Variants in SPMIP3 observed in about 807,000 individuals in gnomAD.
SPMIP3 encodes the protein sperm microtubule inner protein 3, also known as protein SPMIP3.
chr1:244,375,778 C>T, the SPMIP3 span, among the ~76,000 whole-genome samples: 4 of 152,046 alleles, frequency 2.6e-5, no homozygotes, highest in South Asian at 4.1e-4. Flanking sequence ...AATTCTCATG[C>T]CTCAGCCTCC....
the SPMIP3 span, among the ~76,000 whole-genome samples, chr1:244,355,277 A>T: frequency 6.6e-6 from 1 of 152,198 alleles, no homozygotes; most frequent in African/African-American, 2.4e-5. Flanking sequence ...GGTGGGTGTT[A>T]GCTGAGGTTC....
chr1:244,362,362 T>C, the SPMIP3 span, among the ~76,000 whole-genome samples: 2 of 152,174 alleles, frequency 1.3e-5, no homozygotes, highest in East Asian at 3.8e-4. Context: ...AGCCAGAGGG[T>C]TCCAGCCCTG....
chr1:244,371,500 A>C, the SPMIP3 span, among the ~76,000 whole-genome samples: 1 of 151,510 alleles, frequency 6.6e-6, no homozygotes, highest in Admixed American at 6.6e-5. Context: ...TTTTCTTTTC[A>C]CTCCTCCCAA....
chr1:244,378,896 G>C, the SPMIP3 span, among the ~76,000 whole-genome samples: 1 of 151,522 alleles, frequency 6.6e-6, no homozygotes, highest in African/African-American at 2.4e-5. Flanking sequence ...ACAGTCTCAA[G>C]TCTGACCACG....
the SPMIP3 span, among the ~76,000 whole-genome samples, chr1:244,374,512 A>T: frequency 6.6e-6 from 1 of 150,376 alleles, no homozygotes; most frequent in Admixed American, 6.6e-5. Context: ...ACCAATTCCC[A>T]CATTTCTTTT....
chr1:244,377,869 A>G, the SPMIP3 span, among the ~76,000 whole-genome samples: 1 of 152,034 alleles, frequency 6.6e-6, no homozygotes, highest in African/African-American at 2.4e-5. Context: ...ACCCAGGCTC[A>G]GTCTCGGCTC....
the SPMIP3 span, among the ~76,000 whole-genome samples, chr1:244,372,647 G>GT: frequency 6.6e-6 from 1 of 152,068 alleles, no homozygotes. Flanking sequence ...GTTTCACCGC[G>GT]TTAGCCAGGA....
At chr1:244,385,542 T>A in the SPMIP3 span, among the ~76,000 whole-genome samples, 1 of 152,198 alleles carries the variant, frequency 6.6e-6, no homozygotes, top group Non-Finnish European at 1.5e-5. Context: ...TAACTCATTT[T>A]TCCAAAATAA....
chr1:244,361,041 AG>A, the SPMIP3 span, among the ~76,000 whole-genome samples: 1 of 152,110 alleles, frequency 6.6e-6, no homozygotes, highest in Admixed American at 6.6e-5. Context: ...GTCGAAGAAA[AG>A]GAATTGAACT....
At chr1:244,361,057 G>A in the SPMIP3 span, among the ~76,000 whole-genome samples, 1 of 152,078 alleles carries the variant, frequency 6.6e-6, no homozygotes, top group Non-Finnish European at 1.5e-5. Flanking sequence ...TGAACTTGCG[G>A]AGACGGAGAG....
At chr1:244,365,554 T>A in the SPMIP3 span, among the ~76,000 whole-genome samples, 2 of 152,194 alleles carry the variant, frequency 1.3e-5, no homozygotes, top group Admixed American at 6.5e-5. Context: ...TTTTTCTTTA[T>A]AAAATACCCA....
At chr1:244,367,066 A>G in the SPMIP3 span, among the ~76,000 whole-genome samples, 1 of 151,966 alleles carries the variant, frequency 6.6e-6, no homozygotes, top group Non-Finnish European at 1.5e-5. Flanking sequence ...GCTGGGTGAT[A>G]GGGGCAGGGG....
the SPMIP3 span, among the ~76,000 whole-genome samples, chr1:244,371,327 A>C: frequency 3.0e-4 from 45 of 152,332 alleles, no homozygotes; most frequent in Non-Finnish European, 5.1e-4. Context: ...TGGCCTCCAC[A>C]GCCAAGTCTG....
chr1:244,360,222 T>A, the SPMIP3 span, among the ~76,000 whole-genome samples: 1 of 152,136 alleles, frequency 6.6e-6, no homozygotes, highest in Non-Finnish European at 1.5e-5. Flanking sequence ...CAATGATGAA[T>A]GCTACTGAGG....
At chr1:244,375,619 A>C in the SPMIP3 span, 1 of 522,670 alleles carries the variant, frequency 1.9e-6, no homozygotes, top group East Asian at 3.2e-5. Flanking sequence ...AAATATACCA[A>C]ACTGTTAATG....
At chr1:244,382,905 T>C in the SPMIP3 span, among the ~76,000 whole-genome samples, 1 of 151,998 alleles carries the variant, frequency 6.6e-6, no homozygotes, top group East Asian at 1.9e-4. Context: ...CCCGGCCCTC[T>C]GGCTGCTGTG....
At chr1:244,373,463 G>T in the SPMIP3 span, among the ~76,000 whole-genome samples, 1 of 149,490 alleles carries the variant, frequency 6.7e-6, no homozygotes, top group Non-Finnish European at 1.5e-5. Context: ...TGATCACACT[G>T]CACTATAGCC....
chr1:244,358,156 G>C, the SPMIP3 span, among the ~76,000 whole-genome samples: 2 of 152,140 alleles, frequency 1.3e-5, no homozygotes, highest in Non-Finnish European at 2.9e-5. Flanking sequence ...CTTGAACCCA[G>C]GAGGTGGAGG....
the SPMIP3 span, among the ~76,000 whole-genome samples, chr1:244,371,266 G>A: frequency 6.6e-6 from 1 of 152,216 alleles, no homozygotes; most frequent in Non-Finnish European, 1.5e-5. Flanking sequence ...TCTACAGCTG[G>A]TTAAAACCCG....
Sources: gnomAD v4.1 joint callset for allele counts (sites outside exome capture counted in the v4.1 genomes callset) on GRCh38, gnomAD v4.1.1 for gene constraint, MANE v1.5 for transcripts, NCBI Gene and HGNC (gene_info 2026-07-23, HGNC 2026-07-21) for gene names.